CTDSPL: variants seen among roughly 807,000 people sequenced by gnomAD.
CTDSPL encodes the protein CTD small phosphatase-like protein.
CTDSPL carries 8 observed loss-of-function variants against 30.5 expected under a neutral mutation model. The ratio of observed to expected loss-of-function variants is 0.26; its 90% CI spans 0.15 to 0.47. The LOEUF (loss-of-function observed/expected upper bound fraction) is 0.47, where lower values mean the gene tolerates loss of function less well. Among genes scored for constraint, CTDSPL ranks in the 20% least tolerant of loss-of-function variants. The pLI, the probability that CTDSPL is intolerant of heterozygous loss-of-function variation, is 0.99. For missense variants in CTDSPL, 248 were observed against 366.1 expected (o/e 0.68, Z 2.63); for synonymous variants, 110 against 137.9 (o/e 0.80, Z 1.42).
At chr3:37,869,719 T>TCATTAGTATAATGTCAGCTCA (rs1278314550) in intron 1 of CTDSPL, among the ~76,000 whole-genome samples, 4 of 152,142 alleles carry the variant, frequency 2.6e-5, no homozygotes, top group Admixed American at 6.5e-5. Context: ...CAGTATTTTA[T>TCATTAGTATAATGTCAGCTCA]CATTAGTATA....
At chr3:37,927,634 A>ATGTG (rs1431482375) in intron 1 of CTDSPL, among the ~76,000 whole-genome samples, 19 of 78,428 alleles carry the variant, frequency 2.4e-4, no homozygotes, top group Middle Eastern at 6.0e-3. Flanking sequence ...AAAGAAAAAT[A>ATGTG]TATGTGTGTG....
intron 2 of CTDSPL, among the ~76,000 whole-genome samples, chr3:37,948,814 T>TTTTTTTTTC (rs752546214): frequency 0.056 from 7,405 of 133,320 alleles, 316 homozygotes; most frequent in Middle Eastern, 0.099. Flanking sequence ...CTTTCTTTTT[T>TTTTTTTTTC]TTTTTTTTTT....
At chr3:37,905,769 A>T (rs1698508208) in intron 1 of CTDSPL, among the ~76,000 whole-genome samples, 1 of 152,276 alleles carries the variant, frequency 6.6e-6, no homozygotes, top group Admixed American at 6.5e-5. Flanking sequence ...TCTGAACAAC[A>T]TAGGCTTTGG....
chr3:37,948,254 A>T (rs1415410918), intron 2 of CTDSPL, among the ~76,000 whole-genome samples: 8 of 152,170 alleles, frequency 5.3e-5, no homozygotes, highest in African/African-American at 1.7e-4. Flanking sequence ...ACTGCACTCC[A>T]GCCTGAGTGA....
chr3:37,882,040 G>A (rs1698211209), intron 1 of CTDSPL, among the ~76,000 whole-genome samples: 1 of 152,204 alleles, frequency 6.6e-6, no homozygotes, highest in Non-Finnish European at 1.5e-5. Context: ...GGGCGTGGTG[G>A]CTCACGCCTG....
intron 1 of CTDSPL, among the ~76,000 whole-genome samples, chr3:37,899,861 C>T (rs1299459116): frequency 3.9e-5 from 6 of 152,076 alleles, no homozygotes; most frequent in Admixed American, 2.0e-4. Flanking sequence ...CTCTAAATAA[C>T]CTTAGATGAA....
intron 1 of CTDSPL, among the ~76,000 whole-genome samples, chr3:37,919,136 A>T (rs1575298068): frequency 1.3e-5 from 2 of 152,120 alleles, no homozygotes; most frequent in East Asian, 3.9e-4. Context: ...AGCTCTTTTC[A>T]GTTTGTGTTT....
At chr3:37,928,251 G>A (rs973596728) in intron 1 of CTDSPL, among the ~76,000 whole-genome samples, 5 of 152,304 alleles carry the variant, frequency 3.3e-5, no homozygotes, top group Non-Finnish European at 5.9e-5. Context: ...ACCTAGAAGT[G>A]GAATTGCTGG....
chr3:37,968,571 T>G, intron 5 of CTDSPL: 1 of 222,412 alleles, frequency 4.5e-6, no homozygotes, highest in Non-Finnish European at 9.2e-6. Context: ...TTGTCAGATT[T>G]TCCACAGGGA....
chr3:37,901,949 T>G (rs1209756077), intron 1 of CTDSPL, among the ~76,000 whole-genome samples: 14 of 152,194 alleles, frequency 9.2e-5, no homozygotes. Context: ...ATACTATCCT[T>G]GGTATGTGGC....
chr3:37,941,927 G>A (rs1258991790), intron 1 of CTDSPL, among the ~76,000 whole-genome samples: 1 of 150,208 alleles, frequency 6.7e-6, no homozygotes. Context: ...TGCAGACCCA[G>A]CAGGCAGAAT....
chr3:37,907,668 G>A (rs867987498), intron 1 of CTDSPL, among the ~76,000 whole-genome samples: 4 of 152,152 alleles, frequency 2.6e-5, no homozygotes, highest in South Asian at 2.1e-4. Flanking sequence ...CAGTGTGGGG[G>A]AATGTTAAGA....
chr3:37,957,084 A>C (rs376262999), intron 2 of CTDSPL, 27 bp from the exon 3 acceptor site: 1 of 1,591,672 alleles, frequency 6.3e-7, no homozygotes, highest in Non-Finnish European at 8.6e-7. Flanking sequence ...CGAACCTGAC[A>C]ATGATTTTTT....
chr3:37,932,960 C>A (rs1698871816), intron 1 of CTDSPL, among the ~76,000 whole-genome samples: 1 of 152,078 alleles, frequency 6.6e-6, no homozygotes, highest in South Asian at 2.1e-4. Context: ...CGAGACCAGC[C>A]TGGCCAACAT....
At chr3:37,868,999 T>G (rs1191203676) in intron 1 of CTDSPL, among the ~76,000 whole-genome samples, 1 of 152,144 alleles carries the variant, frequency 6.6e-6, no homozygotes, top group Non-Finnish European at 1.5e-5. Context: ...TGAGGAGAAC[T>G]GACATCTTTT....
chr3:37,947,103 C>A lies in CTDSPL; in HGVS notation c.126C>A (p.Ile42=). The stretch of plus-strand genomic sequence containing the variant: ...TAAAGAAGCAGAGGAGCCGCAGCAT[C>A]CTTAGCTCCTTCTTCTGCTGCTTCC... ...VSLKKQRSRS[I]LSSFFCCFRD... Residue 42 remains isoleucine (I), a synonymous_variant, in exon 2 of 8, where the codon ATC becomes ATA. Transcript: ENST00000273179. 1 of 1,613,922 alleles carries A rather than the reference C, an allele frequency of 6.2e-7. No individual in the cohort carries two copies. The highest frequency in any genetic ancestry group is 8.5e-7 in the Non-Finnish European group (1 of 1,180,018).
chr3:37,898,577 A>G (rs1240761251), intron 1 of CTDSPL, among the ~76,000 whole-genome samples: 3 of 152,124 alleles, frequency 2.0e-5, no homozygotes, highest in Non-Finnish European at 2.9e-5. Flanking sequence ...TACACACATG[A>G]TCTCATGTAT....
intron 1 of CTDSPL, among the ~76,000 whole-genome samples, chr3:37,866,149 T>C (rs1698006898): frequency 6.6e-6 from 1 of 152,248 alleles, no homozygotes; most frequent in Non-Finnish European, 1.5e-5. Context: ...CCATCCTAAG[T>C]GTCAGTAGGT....
chr3:37,867,472 G>A (rs984643388), intron 1 of CTDSPL, among the ~76,000 whole-genome samples: 3 of 152,124 alleles, frequency 2.0e-5, no homozygotes, highest in Non-Finnish European at 4.4e-5. Flanking sequence ...TGGGATAAAT[G>A]CCCAGTGTGC....
Sources: allele counts gnomAD v4.1 joint callset (sites outside exome capture counted in the v4.1 genomes callset), GRCh38; gene constraint gnomAD v4.1.1; transcripts MANE v1.5; gene names NCBI Gene and HGNC (gene_info 2026-07-23, HGNC 2026-07-21).